The following AMER3 variants were observed in gnomAD, a reference collection of about 807,000 sequenced individuals.
AMER3 encodes APC membrane recruitment protein 3.
For synonymous variants in AMER3, 541 were observed against 485.5 expected (o/e 1.11, Z -1.50); for missense variants, 1,201 against 1,139.4 (o/e 1.05, Z -0.78).
chr2:130,759,999 G>A lies in AMER3; in HGVS notation c.-19-2055G>A, dbSNP rs7602420. ...GTGCAGCAAAGCCCAGCAGAGCTTC[G>A]GAGGCCTTATCACGGCTGCAAAGGA... On this transcript the variant is annotated intron_variant, in intron 1 of 1. Coordinates refer to ENST00000321420, the MANE Select transcript of AMER3 (RefSeq NM_152698.3). Among the ~76,000 whole-genome samples, 319 of 152,306 alleles carry A rather than the reference G, an allele frequency of 2.1e-3. 1 individual carries two copies. The highest frequency in any genetic ancestry group is 7.4e-3 in the African/African-American group (308 of 41,566).
rs775957307 is a variant in AMER3 at position 130,763,810 on chromosome 2, G to C, written c.1738G>C (p.Gly580Arg). The change falls in exon 2 of 2, where the codon GGA (glycine) becomes CGA (arginine). Residue 580 changes from glycine (G) to arginine (R), a missense_variant. Physicochemically the swap from Gly to Arg is moderately radical, Grantham distance 125. Transcript: ENST00000321420. ...CCCGGGCACCACAGGCCTGCTCGCC[G>C]GAGAGAGCAAGGCCCTCGGAGGGGC... ...AHPGTTGLLA[G>R]ESKALGGATQ... is the part of the protein sequence containing the mutation. 1 of 1,612,248 alleles carries C rather than the reference G, an allele frequency of 6.2e-7. No homozygotes were observed.
intron 1 of AMER3, among the ~76,000 whole-genome samples, chr2:130,757,018 G>C (rs927554726): frequency 6.6e-6 from 1 of 152,070 alleles, no homozygotes; most frequent in Non-Finnish European, 1.5e-5. Flanking sequence ...TGCATACCGG[G>C]GAAGGCATAG....
rs751254555 is a variant in AMER3, at chr2:130,764,460, C to T, written c.2388C>T (p.Arg796=). 8 of 1,600,582 alleles carry T rather than the reference C, an allele frequency of 5.0e-6. No homozygotes were observed. Among genetic ancestry groups the T allele is most frequent in the African/African-American group, 4.0e-5 (3 of 74,694 alleles). The change falls in exon 2 of 2, where the codon CGC becomes CGT. Residue 796 remains arginine (R), a synonymous_variant. Coordinates refer to ENST00000321420, the MANE Select transcript of AMER3 (RefSeq NM_152698.3). ...GCAGCCAGCTGGACTCTGAGCCCCG[C>T]TCAGCCCCTGCTGCCCGGTGGAGTT... is the stretch of plus-strand genomic sequence containing the variant. ...AHGSQLDSEP[R]SAPAARWSSQ...
rs550513013 is a variant in AMER3, at chr2:130,757,870, C to A, written c.-20+2196C>A. Reference sequence around the variant, plus strand: ...CACATAGGCCGGGAGCGGTGGCTTACGCCTGTAATCCTGGTACTTTGGGAG... The same window carrying A: ...CACATAGGCCGGGAGCGGTGGCTTAAGCCTGTAATCCTGGTACTTTGGGAG... On this transcript the variant is annotated intron_variant, in intron 1 of 1. Transcript: ENST00000321420. Among the ~76,000 whole-genome samples, 1,296 of 152,304 alleles carry A rather than the reference C, an allele frequency of 8.5e-3. 13 individuals are homozygous for A. Among genetic ancestry groups the A allele is most frequent in the Non-Finnish European group, 0.013 (901 of 68,028 alleles).
rs1406562823 is a variant in AMER3, at chr2:130,764,667, C to A, written c.*9C>A. On this transcript the variant is annotated 3_prime_UTR_variant, in exon 2 of 2. Transcript: ENST00000321420. ...CTGAGCCCCATCTGTAGGACAGGCT[C>A]ACATGCACCAGGAACTGCATGTGTC... 1 of 1,588,462 alleles carries A rather than the reference C, an allele frequency of 6.3e-7. No individual in the cohort carries two copies.
At chr2:130,757,178 T>G (rs958702035) in intron 1 of AMER3, among the ~76,000 whole-genome samples, 11 of 152,176 alleles carry the variant, frequency 7.2e-5, no homozygotes, top group Non-Finnish European at 1.5e-5. Context: ...CGGAATTACC[T>G]TCTCAAAGGA....
At position 130,765,316 on chromosome 2, in the gene AMER3, ATATT is replaced by A. The variant is rs1030160947; in HGVS notation, c.*659_*662del. 4 of 167,062 alleles carry A rather than the reference ATATT, an allele frequency of 2.4e-5. No individual in the cohort carries two copies. Among genetic ancestry groups the A allele is most frequent in the African/African-American group, 9.6e-5 (4 of 41,462 alleles). The allele number at this position is 167,062 out of a possible 1,614,324, so 10.3% of individuals were successfully genotyped here. On this transcript the variant is annotated 3_prime_UTR_variant, in exon 2 of 2. Coordinates refer to ENST00000321420, the MANE Select transcript of AMER3 (RefSeq NM_152698.3). ...GGTGTGAGTTATTAGCAGACAAACT[ATATT>A]CATGAAGAAATAGGTCAAAATGGGA...
chr2:130,764,748 TGTG>T lies in AMER3; in HGVS notation c.*92_*94del. 7.6e-7 allele frequency: 1 copy of T among 1,312,874 alleles called. No individual in the cohort carries two copies. The highest frequency in any genetic ancestry group is 1.0e-6 in the Non-Finnish European group (1 of 979,520). 81.3% of individuals were successfully genotyped at this position (1,312,874 alleles called of 1,614,324 possible). Reference sequence around the variant, plus strand: ...TCAAATCTCTATCTTTTGTCCCTGATGTGGGGACTGTGTTGGGGGTGGGGGGTG... The same window carrying T: ...TCAAATCTCTATCTTTTGTCCCTGATGGGACTGTGTTGGGGGTGGGGGGTG... On this transcript the variant is annotated 3_prime_UTR_variant, in exon 2 of 2. Coordinates refer to ENST00000321420, the MANE Select transcript of AMER3 (RefSeq NM_152698.3).
chr2:130,757,439 G>A (rs1306389669), intron 1 of AMER3, among the ~76,000 whole-genome samples: 3 of 140,014 alleles, frequency 2.1e-5, no homozygotes, highest in Admixed American at 6.9e-5. Flanking sequence ...GAATTGGCCC[G>A]TCACTTGCCC....
In AMER3 at chr2:130,762,363, CATG is replaced by C. The variant is rs1364285805; in HGVS notation, c.292_294del (p.Met98del). 6.2e-6 allele frequency: 10 copies of C among 1,612,206 alleles called. No individual in the cohort carries two copies. In the East Asian group the frequency reaches 8.9e-5, roughly 14 times the overall value. ...TGCGAAAGTGCAAGACTCACGACAG[CATG>C]TCTGGGGCAGGCAGGGCCACGGCTG... is the stretch of plus-strand genomic sequence containing the variant. On this transcript the variant is annotated inframe_deletion, in exon 2 of 2. Transcript: ENST00000321420.
intron 1 of AMER3, among the ~76,000 whole-genome samples, chr2:130,759,782 C>T (rs969955218): frequency 6.6e-6 from 1 of 152,244 alleles, no homozygotes; most frequent in Admixed American, 6.5e-5. Context: ...AACTCTGTCA[C>T]TTAACACCTG....
At chr2:130,758,999 C>T (rs887718263) in intron 1 of AMER3, among the ~76,000 whole-genome samples, 1 of 142,974 alleles carries the variant, frequency 7.0e-6, no homozygotes, top group Admixed American at 6.8e-5. Context: ...AGGCAGTGGG[C>T]CCTCCAACCA....
chr2:130,761,454 C>T (rs376566576), intron 1 of AMER3, among the ~76,000 whole-genome samples: 1 of 152,270 alleles, frequency 6.6e-6, no homozygotes, highest in Admixed American at 6.5e-5. Flanking sequence ...TGCTCTGGTT[C>T]CTCTGTGTCC....
intron 1 of AMER3, among the ~76,000 whole-genome samples, chr2:130,757,438 C>CCT (rs140490247): frequency 0.043 from 6,475 of 152,124 alleles, 438 homozygotes; most frequent in African/African-American, 0.14. Context: ...AGAATTGGCC[C>CCT]GTCACTTGCC....
Position 130,765,130 on chromosome 2 carries a change from T to C in AMER3, c.*472T>C, listed in dbSNP as rs1271261962. 1 of 167,948 alleles carries C rather than the reference T, an allele frequency of 6.0e-6. No individual in the cohort carries two copies. The highest frequency in any genetic ancestry group is 1.5e-5 in the Non-Finnish European group (1 of 68,806). 10.4% of individuals were successfully genotyped at this position (167,948 alleles called of 1,614,324 possible). ...GATCTAAATCCTGGAAATATAATTC[T>C]GGGAAAATTTTTTTTTAATTTTTTA... On this transcript the variant is annotated 3_prime_UTR_variant, in exon 2 of 2. Transcript: ENST00000321420.
chr2:130,764,862 GAC>G lies in AMER3; in HGVS notation c.*206_*207del. The G allele has an allele frequency of 1.5e-6, 1 of 668,086 alleles. No individual in the cohort carries two copies. Among genetic ancestry groups the G allele is most frequent in the Non-Finnish European group, 2.5e-6 (1 of 395,298 alleles). The allele number at this position is 668,086 out of a possible 1,614,324, so 41.4% of individuals were successfully genotyped here. ...CCAGCTCAGGCAGCCCACCGCCAAA[GAC>G]AGCGCGAAGCTGCAACCACCTAGCT... On this transcript the variant is annotated 3_prime_UTR_variant, in exon 2 of 2. Coordinates refer to ENST00000321420, the MANE Select transcript of AMER3 (RefSeq NM_152698.3).
intron 1 of AMER3, among the ~76,000 whole-genome samples, chr2:130,756,802 T>C (rs1390302624): frequency 1.3e-5 from 2 of 152,056 alleles, no homozygotes; most frequent in Non-Finnish European, 2.9e-5. Context: ...ATTTCTGTTT[T>C]ATTCCCCATT....
chr2:130,761,656 G>A (rs1001402011), intron 1 of AMER3, among the ~76,000 whole-genome samples: 4 of 152,316 alleles, frequency 2.6e-5, no homozygotes, highest in Admixed American at 1.3e-4. Context: ...CCTGATGAAG[G>A]AGGCCACTGC....
chr2:130,762,032 T>C (rs1678794102), intron 1 of AMER3, 22 bp from the exon 2 acceptor site: 1 of 1,587,458 alleles, frequency 6.3e-7, no homozygotes, highest in Non-Finnish European at 8.6e-7. Context: ...TGATACTGAG[T>C]GCCTCCTGCT....
Sources: allele counts gnomAD v4.1 joint callset (sites outside exome capture counted in the v4.1 genomes callset), GRCh38; gene constraint gnomAD v4.1.1; transcripts MANE v1.5; gene names NCBI Gene and HGNC (gene_info 2026-07-23, HGNC 2026-07-21).